The following CAMK4 variants were observed in gnomAD, a reference collection of about 807,000 sequenced individuals.
The protein encoded by CAMK4 is calcium/calmodulin-dependent protein kinase type IV.
In CAMK4, 22 loss-of-function variants were observed where a neutral mutation model predicts 44.9. The observed-to-expected ratio is 0.49, with a 90% CI of 0.35 to 0.70. The LOEUF (loss-of-function observed/expected upper bound fraction) is 0.70, where lower values mean the gene tolerates loss of function less well. Among genes scored for constraint, CAMK4 ranks in the 30% least tolerant of loss-of-function variants. The pLI is 0.01. For missense variants in CAMK4, 498 were observed against 586.8 expected, an observed-to-expected ratio of 0.85 and a Z score of 1.56; for synonymous variants, 218 against 215.4, an observed-to-expected ratio of 1.01 and a Z score of -0.11.
intron 1 of CAMK4, among the ~76,000 whole-genome samples, chr5:111,300,675 C>T (rs73786886): frequency 0.084 from 12,783 of 152,024 alleles, 1,815 homozygotes; most frequent in African/African-American, 0.29. Flanking sequence ...AACTTCACAC[C>T]GCTTTAAAGA....
At chr5:111,235,482 C>T (rs533751416) in intron 1 of CAMK4, among the ~76,000 whole-genome samples, 1 of 152,302 alleles carries the variant, frequency 6.6e-6, no homozygotes, top group African/African-American at 2.4e-5. Flanking sequence ...GGCTCTTCCT[C>T]TCTTTTTCCC....
intron 7 of CAMK4, among the ~76,000 whole-genome samples, chr5:111,470,073 C>G (rs545500346): frequency 2.6e-5 from 4 of 152,220 alleles, no homozygotes; most frequent in Non-Finnish European, 4.4e-5. Flanking sequence ...TGTGTGCATT[C>G]GGCTCCTTGA....
At chr5:111,309,083 T>A (rs1227727480) in intron 1 of CAMK4, among the ~76,000 whole-genome samples, 1 of 152,148 alleles carries the variant, frequency 6.6e-6, no homozygotes, top group Non-Finnish European at 1.5e-5. Flanking sequence ...AGTCTTTGAG[T>A]TCAAACAAAC....
chr5:111,254,840 C>T (rs569099593), intron 1 of CAMK4, among the ~76,000 whole-genome samples: 1 of 152,076 alleles, frequency 6.6e-6, no homozygotes, highest in South Asian at 2.1e-4. Context: ...AAAAAGGGTA[C>T]TGCAGTCAGG....
intron 5 of CAMK4, among the ~76,000 whole-genome samples, chr5:111,443,273 TATATATACACACACAC>T (rs1274927485): frequency 7.5e-4 from 38 of 50,828 alleles, no homozygotes; most frequent in African/African-American, 3.0e-3. Context: ...TATATATATA[TATATATACACACACAC>T]ACACACACAC....
chr5:111,478,218 A>AT (rs1289539848), intron 8 of CAMK4, among the ~76,000 whole-genome samples, 163 bp from the exon 9 acceptor site: 1 of 152,114 alleles, frequency 6.6e-6, no homozygotes, highest in Admixed American at 6.5e-5. Flanking sequence ...TGTTTACACT[A>AT]TAAATAGTGA....
chr5:111,492,447 G>A lies in CAMK4; in HGVS notation c.*7981G>A, dbSNP rs901292921. The A allele has an allele frequency of 1.3e-5, 2 of 152,206 alleles. No individual in the cohort carries two copies. The highest frequency in any genetic ancestry group is 4.8e-5 in the African/African-American group (2 of 41,444). The allele number at this position is 152,206 out of a possible 1,614,324, so 9.4% of individuals were successfully genotyped here. A position where few individuals can be genotyped will look rare whatever the true frequency, so the allele number is the denominator to read the frequency against. On this transcript the variant is annotated 3_prime_UTR_variant, in exon 11 of 11. Transcript: ENST00000282356. ...TGTGTAGCAGAGACTTTACTGGAAT[G>A]AGTGAGGGGAAAGATAACAAAATGT... is the stretch of plus-strand genomic sequence containing the variant.
rs539609917 is a variant in CAMK4, at chr5:111,375,539, C to T, written c.303+627C>T. On this transcript the variant is annotated intron_variant, in intron 3 of 10. Transcript: ENST00000282356. The stretch of plus-strand genomic sequence containing the variant: ...ATCTACTTCAAGAAAGCATTTTTGC[C>T]CATTTCTCTGAGGAAGTTGTGATGT... Among the ~76,000 whole-genome samples, 79 of 152,064 alleles carry T rather than the reference C, an allele frequency of 5.2e-4. 2 individuals carry two copies. The South Asian group carries it at 0.016, about 31-fold the overall frequency.
At chr5:111,420,632 A>G (rs1752991599) in intron 5 of CAMK4, among the ~76,000 whole-genome samples, 1 of 152,170 alleles carries the variant, frequency 6.6e-6, no homozygotes, top group African/African-American at 2.4e-5. Flanking sequence ...TCTCGACCAT[A>G]AAAGACAGGC....
At chr5:111,341,181 C>G (rs1009256448) in intron 1 of CAMK4, among the ~76,000 whole-genome samples, 7 of 151,254 alleles carry the variant, frequency 4.6e-5, no homozygotes, top group African/African-American at 1.7e-4. Context: ...CCCACACTTT[C>G]AAAGAGCAGA....
At chr5:111,243,961 T>C (rs1298536676) in intron 1 of CAMK4, among the ~76,000 whole-genome samples, 1 of 152,232 alleles carries the variant, frequency 6.6e-6, no homozygotes, top group African/African-American at 2.4e-5. Flanking sequence ...TTTGTTTGTT[T>C]GTTTTTGTTT....
chr5:111,319,243 C>G (rs1365819548), intron 1 of CAMK4, among the ~76,000 whole-genome samples: 2 of 152,080 alleles, frequency 1.3e-5, no homozygotes, highest in African/African-American at 2.4e-5. Context: ...ATTAATTTAT[C>G]AATTGAAAAA....
intron 2 of CAMK4, among the ~76,000 whole-genome samples, chr5:111,366,089 G>T (rs1478851388): frequency 1.3e-5 from 2 of 152,118 alleles, no homozygotes; most frequent in African/African-American, 2.4e-5. Flanking sequence ...AAAGCATAAA[G>T]ATGTTTGGTT....
intron 1 of CAMK4, among the ~76,000 whole-genome samples, chr5:111,271,171 G>T (rs953155932): frequency 6.6e-6 from 1 of 152,124 alleles, no homozygotes; most frequent in Non-Finnish European, 1.5e-5. Flanking sequence ...GATTTGGGTG[G>T]GGACACAGAG....
chr5:111,406,714 A>T lies in CAMK4; in HGVS notation c.459+11932A>T, dbSNP rs533896062. On this transcript the variant is annotated intron_variant, in intron 5 of 10. Coordinates refer to ENST00000282356, the MANE Select transcript of CAMK4 (RefSeq NM_001744.6). ...GAGCTACTGAAAGTAAACGCAAGAC[A>T]CAGTCTCTTTCTGAAAGGTGATTAA... Among the ~76,000 whole-genome samples, 35 of 152,270 alleles carry T rather than the reference A, an allele frequency of 2.3e-4. No homozygotes were observed. The South Asian group carries it at 6.4e-3, about 28-fold the overall frequency.
intron 5 of CAMK4, among the ~76,000 whole-genome samples, chr5:111,406,747 G>A (rs6892629): frequency 0.025 from 3,764 of 152,144 alleles, 145 homozygotes; most frequent in African/African-American, 0.086. Flanking sequence ...TAAGAAAAGA[G>A]GATAATAAAG....
intron 7 of CAMK4, among the ~76,000 whole-genome samples, chr5:111,451,349 T>TA (rs61144362): frequency 6.6e-6 from 1 of 152,096 alleles, no homozygotes; most frequent in Non-Finnish European, 1.5e-5. Flanking sequence ...TATATATATA[T>TA]TTTTTGAGAC....
At chr5:111,431,018 C>CA (rs1435125046) in intron 5 of CAMK4, among the ~76,000 whole-genome samples, 1 of 151,842 alleles carries the variant, frequency 6.6e-6, no homozygotes, top group African/African-American at 2.4e-5. Context: ...AGCAAGCAAG[C>CA]AAACAAACAA....
chr5:111,374,704 A>G lies in CAMK4; in HGVS notation c.241-146A>G, dbSNP rs1751144106. ...GAGAAAGGATGTGCAGCTGAAAAAG[A>G]AAGAGAGGAAGGAGACACACAAAAG... is the stretch of plus-strand genomic sequence containing the variant. On this transcript the variant is annotated intron_variant, in intron 2 of 10. Transcript: ENST00000282356. 6 of 614,486 alleles carry G rather than the reference A, an allele frequency of 9.8e-6. No individual in the cohort carries two copies. In the South Asian group the frequency reaches 1.2e-4, roughly 12 times the overall value. The allele number at this position is 614,486 out of a possible 1,614,324, so 38.1% of individuals were successfully genotyped here.
Sources: allele counts gnomAD v4.1 joint callset (sites outside exome capture counted in the v4.1 genomes callset), GRCh38; gene constraint gnomAD v4.1.1; transcripts MANE v1.5; gene names NCBI Gene and HGNC (gene_info 2026-07-23, HGNC 2026-07-21).